The following GAREM1 variants were observed in gnomAD, a reference collection of about 807,000 sequenced individuals.
The protein encoded by GAREM1 is GRB2 associated regulator of MAPK1 subtype 1, also known as GRB2-associated and regulator of MAPK protein 1.
GAREM1 carries 26 observed loss-of-function variants against 71.3 expected under a neutral mutation model. The observed-to-expected ratio is 0.36, with a 90% CI of 0.27 to 0.51. The LOEUF (loss-of-function observed/expected upper bound fraction) is 0.51. Among genes scored for constraint, GAREM1 ranks in the 20% least tolerant of loss-of-function variants. The pLI is 0.95. For synonymous variants in GAREM1, 440 were observed against 433.2 expected, an observed-to-expected ratio of 1.02 and a Z score of -0.20; for missense variants, 1,026 against 1,103.1, an observed-to-expected ratio of 0.93 and a Z score of 0.99.
intron 3 of GAREM1, among the ~76,000 whole-genome samples, chr18:32,308,003 A>C (rs981382584): frequency 1.3e-5 from 2 of 152,188 alleles, no homozygotes; most frequent in African/African-American, 4.8e-5. Flanking sequence ...GGTTCCTATA[A>C]CAATCCTTCT....
At chr18:32,453,925 G>T (rs548006544) in intron 1 of GAREM1, among the ~76,000 whole-genome samples, 1 of 152,184 alleles carries the variant, frequency 6.6e-6, no homozygotes, top group African/African-American at 2.4e-5. Context: ...GGGACACAAT[G>T]ATGAACATGA....
rs1598991444 is a variant in GAREM1, at chr18:32,364,018, A to ATT, written c.262+28876_262+28877insAA. ...TACATATATATATATATATATATAT[A>ATT]TATATATATGTTTTTTTTTTTTTTT... On this transcript the variant is annotated intron_variant, in intron 2 of 5. Transcript: ENST00000269209. Among the ~76,000 whole-genome samples, 2 of 48,200 alleles carry ATT rather than the reference A, an allele frequency of 4.1e-5. 1 individual carries two copies. Among genetic ancestry groups the ATT allele is most frequent in the African/African-American group, 3.0e-4 (2 of 6,606 alleles). 31.6% of individuals were successfully genotyped at this position (48,200 alleles called of 152,430 possible). A position where few individuals can be genotyped will look rare whatever the true frequency, so the allele number is the denominator to read the frequency against.
intron 2 of GAREM1, among the ~76,000 whole-genome samples, chr18:32,360,563 G>C (rs974329803): frequency 6.6e-5 from 10 of 151,690 alleles, no homozygotes; most frequent in Non-Finnish European, 1.5e-4. Context: ...GATCTTTTTT[G>C]GGGGGGTGGG....
At chr18:32,385,411 T>C (rs964447941) in intron 2 of GAREM1, among the ~76,000 whole-genome samples, 2 of 151,840 alleles carry the variant, frequency 1.3e-5, no homozygotes, top group Non-Finnish European at 2.9e-5. Flanking sequence ...AAAGACTCTT[T>C]CCCCAGGCCT....
chr18:32,301,973 A>G (rs1458411838), intron 3 of GAREM1, among the ~76,000 whole-genome samples: 1 of 152,232 alleles, frequency 6.6e-6, no homozygotes, highest in Admixed American at 6.5e-5. Context: ...AGAAATACAA[A>G]TGACAGAAGG....
intron 1 of GAREM1, among the ~76,000 whole-genome samples, chr18:32,443,077 C>T (rs1384489833): frequency 6.6e-6 from 1 of 151,914 alleles, no homozygotes; most frequent in African/African-American, 2.4e-5. Context: ...TAGAAACACA[C>T]CGAAGATAAA....
intron 2 of GAREM1, among the ~76,000 whole-genome samples, chr18:32,380,474 T>TAAAAAAAAAAAAAAAAA (rs35881689): frequency 3.2e-5 from 3 of 92,444 alleles, no homozygotes; most frequent in African/African-American, 4.4e-5. Flanking sequence ...AGACTTCATT[T>TAAAAAAAAAAAAAAAAA]AAAAAAAAAA....
intron 2 of GAREM1, among the ~76,000 whole-genome samples, chr18:32,355,649 G>A (rs937862020): frequency 2.2e-4 from 34 of 151,984 alleles, no homozygotes; most frequent in Middle Eastern, 3.2e-3. Context: ...TTATAAATAC[G>A]GGGGAACTTG....
intron 3 of GAREM1, chr18:32,290,432 G>T (rs1405677759): frequency 1.3e-5 from 2 of 151,850 alleles, no homozygotes; most frequent in Non-Finnish European, 2.9e-5. Flanking sequence ...CTTTTTAAAA[G>T]TAAGGACCTG....
intron 2 of GAREM1, among the ~76,000 whole-genome samples, chr18:32,348,828 T>C (rs1394428852): frequency 6.6e-6 from 1 of 152,208 alleles, no homozygotes; most frequent in Non-Finnish European, 1.5e-5. Flanking sequence ...AATATGTTTA[T>C]AATATAAATA....
intron 4 of GAREM1, among the ~76,000 whole-genome samples, chr18:32,270,896 TG>T (rs1334140741): frequency 2.1e-4 from 26 of 123,616 alleles, no homozygotes; most frequent in East Asian, 6.8e-4. Flanking sequence ...TGTTCAGGGA[TG>T]TTTTTTTTTT....
rs567109750 is a variant in GAREM1, at chr18:32,439,687, G to T, written c.121+30621C>A. Among the ~76,000 whole-genome samples, 83 of 151,854 alleles carry T rather than the reference G, an allele frequency of 5.5e-4. 1 individual carries two copies. Among genetic ancestry groups the T allele is most frequent in the African/African-American group, 1.9e-3 (78 of 41,400 alleles). On this transcript the variant is annotated intron_variant, in intron 1 of 5. Coordinates refer to ENST00000269209, the MANE Select transcript of GAREM1 (RefSeq NM_001242409.2). ...TAAAAAGCACTTTTTTAAAAGTGGG[G>T]TTATTTCTGGTAAGAATACGAGAGG...
At chr18:32,388,020 G>C (rs1184109548) in intron 2 of GAREM1, among the ~76,000 whole-genome samples, 1 of 152,096 alleles carries the variant, frequency 6.6e-6, no homozygotes, top group African/African-American at 2.4e-5. Flanking sequence ...GAGTGTAGGA[G>C]CCTTGACCAA....
intron 4 of GAREM1, among the ~76,000 whole-genome samples, chr18:32,272,256 T>C (rs2041473533): frequency 6.6e-6 from 1 of 152,184 alleles, no homozygotes; most frequent in African/African-American, 2.4e-5. Context: ...AGAAGACTCA[T>C]GGCTATGGGT....
At chr18:32,414,336 G>A (rs1356913088) in intron 1 of GAREM1, among the ~76,000 whole-genome samples, 1 of 151,930 alleles carries the variant, frequency 6.6e-6, no homozygotes, top group Non-Finnish European at 1.5e-5. Flanking sequence ...TGAGTATACA[G>A]ACCGAAGAAA....
chr18:32,324,958 GT>G (rs1391971791), intron 2 of GAREM1, among the ~76,000 whole-genome samples: 1 of 152,144 alleles, frequency 6.6e-6, no homozygotes, highest in Non-Finnish European at 1.5e-5. Context: ...GAACACAGAA[GT>G]TTTTTATTTT....
intron 1 of GAREM1, among the ~76,000 whole-genome samples, chr18:32,420,039 T>G (rs893720614): frequency 6.6e-6 from 1 of 152,162 alleles, no homozygotes; most frequent in African/African-American, 2.4e-5. Context: ...CTCCACAGGC[T>G]CTGGAGATAA....
intron 2 of GAREM1, among the ~76,000 whole-genome samples, chr18:32,318,848 C>G (rs149442334): frequency 5.9e-5 from 9 of 152,212 alleles, no homozygotes; most frequent in African/African-American, 2.2e-4. Context: ...TGACTGGGAG[C>G]AGAAAAATGT....
chr18:32,380,263 G>A lies in GAREM1; in HGVS notation c.262+12632C>T, dbSNP rs549619688. ...GGCCGAAGCAGGGGGATCACCTGAA[G>A]TCAGGAGTTCAAGACCAGCCTGGCC... On this transcript the variant is annotated intron_variant, in intron 2 of 5. Coordinates refer to ENST00000269209, the MANE Select transcript of GAREM1 (RefSeq NM_001242409.2). 1.6e-4 allele frequency among the ~76,000 whole-genome samples: 25 copies of A among 152,186 alleles called. No individual in the cohort carries two copies. The South Asian group carries it at 4.4e-3, about 26-fold the overall frequency.
Sources: gnomAD v4.1 joint callset for allele counts (sites outside exome capture counted in the v4.1 genomes callset) on GRCh38, gnomAD v4.1.1 for gene constraint, MANE v1.5 for transcripts, NCBI Gene and HGNC (gene_info 2026-07-23, HGNC 2026-07-21) for gene names.